The following ARID1B variants were observed in gnomAD, a reference collection of about 807,000 sequenced individuals.
ARID1B encodes the protein AT-rich interactive domain-containing protein 1B.
Under a neutral mutation model 212.3 loss-of-function variants are expected in ARID1B, and 30 were observed. The observed-to-expected ratio is 0.14, with a 90% CI of 0.11 to 0.19. ARID1B has a LOEUF of 0.19. ARID1B is among the 10% of genes least tolerant of loss of function. The pLI, the probability that ARID1B is intolerant of heterozygous loss-of-function variation, is 1.00. For missense variants in ARID1B, 2,891 were observed against 3,204.0 expected (o/e 0.90, Z 2.36); for synonymous variants, 1,402 against 1,301.7 (o/e 1.08, Z -1.66).
At chr6:156,894,627 CA>C (rs1170939691) in intron 2 of ARID1B, among the ~76,000 whole-genome samples, 1 of 152,148 alleles carries the variant, frequency 6.6e-6, no homozygotes, top group Non-Finnish European at 1.5e-5. Flanking sequence ...AAGTTTAGGA[CA>C]ATGCCAAGTA....
intron 5 of ARID1B, among the ~76,000 whole-genome samples, chr6:157,090,095 C>T (rs1785186076): frequency 6.6e-6 from 1 of 152,190 alleles, no homozygotes; most frequent in Admixed American, 6.5e-5. Context: ...GTCTTGCCTC[C>T]AGAGCCAGCC....
chr6:157,021,782 T>A (rs1780303796), intron 4 of ARID1B, among the ~76,000 whole-genome samples: 1 of 151,810 alleles, frequency 6.6e-6, no homozygotes, highest in Non-Finnish European at 1.5e-5. Flanking sequence ...TCGCACAGCG[T>A]GTTTTCTAAA....
intron 16 of ARID1B, among the ~76,000 whole-genome samples, chr6:157,198,356 A>G (rs1345263954): frequency 2.0e-5 from 3 of 152,206 alleles, no homozygotes; most frequent in Non-Finnish European, 4.4e-5. Context: ...CAAAGTACAA[A>G]CATTTTGATG....
At chr6:156,900,465 T>C (rs76569849) in intron 2 of ARID1B, among the ~76,000 whole-genome samples, 314 of 152,340 alleles carry the variant, frequency 2.1e-3, no homozygotes, top group Middle Eastern at 3.4e-3. Context: ...TGTGTGCTTA[T>C]GGGGCTCAAG....
chr6:157,020,532 G>C (rs1780167186), intron 4 of ARID1B, among the ~76,000 whole-genome samples: 1 of 152,076 alleles, frequency 6.6e-6, no homozygotes. Context: ...TAGCCACTAG[G>C]CATGTGTTTT....
Position 156,953,519 on chromosome 6 carries a change from G to A in ARID1B, c.2247+17943G>A, listed in dbSNP as rs930301204. ...GTAATTTTAAAAAAAGAAAAAAATC[G>A]GACTCCATTGAGATTCTTTCTTGTT... On this transcript the variant is annotated intron_variant, in intron 4 of 19. Coordinates refer to ENST00000636930, the MANE Select transcript of ARID1B (RefSeq NM_001374828.1). Among the ~76,000 whole-genome samples the A allele has an allele frequency of 2.6e-5, 4 of 152,130 alleles. No individual in the cohort carries two copies. In the South Asian group the frequency reaches 6.2e-4, roughly 24 times the overall value.
chr6:156,809,046 A>G (rs17087784), intron 1 of ARID1B, among the ~76,000 whole-genome samples: 14,654 of 152,278 alleles, frequency 0.096, 854 homozygotes, highest in African/African-American at 0.17. Flanking sequence ...TTGATTTGCT[A>G]TTAATCTTTT....
intron 4 of ARID1B, chr6:156,976,308 G>T: frequency 1.2e-5 from 2 of 162,358 alleles, no homozygotes; most frequent in South Asian, 3.0e-4. Flanking sequence ...ACATTCTCAA[G>T]AGCATCAACA....
At chr6:156,972,954 A>T (rs773886959) in intron 4 of ARID1B, among the ~76,000 whole-genome samples, 7 of 152,262 alleles carry the variant, frequency 4.6e-5, no homozygotes, top group Non-Finnish European at 8.8e-5. Flanking sequence ...GGTATCTGTT[A>T]ATAGTGCTGT....
At chr6:156,973,633 T>C (rs1777067750) in intron 4 of ARID1B, among the ~76,000 whole-genome samples, 1 of 152,058 alleles carries the variant, frequency 6.6e-6, no homozygotes, top group African/African-American at 2.4e-5. Flanking sequence ...TAAAAGAAAA[T>C]TCTATATTAG....
chr6:157,085,832 G>A (rs916684600), intron 5 of ARID1B, among the ~76,000 whole-genome samples: 2 of 152,042 alleles, frequency 1.3e-5, no homozygotes, highest in Non-Finnish European at 2.9e-5. Flanking sequence ...TTCACCATCC[G>A]GTTTAAGAAT....
chr6:157,144,545 C>G (rs764172536), intron 7 of ARID1B, among the ~76,000 whole-genome samples: 1 of 152,150 alleles, frequency 6.6e-6, no homozygotes, highest in African/African-American at 2.4e-5. Flanking sequence ...TAAGAAGGAG[C>G]ACTGTATTTC....
chr6:156,896,599 A>AAG, intron 2 of ARID1B, among the ~76,000 whole-genome samples: 1 of 148,978 alleles, frequency 6.7e-6, no homozygotes, highest in African/African-American at 2.5e-5. Context: ...AAAAAAAAAA[A>AAG]AGAGGACACA....
chr6:157,145,694 C>T (rs2128622559), intron 7 of ARID1B, among the ~76,000 whole-genome samples: 1 of 152,332 alleles, frequency 6.6e-6, no homozygotes, highest in Non-Finnish European at 1.5e-5. Context: ...ATTTGAGAGA[C>T]TGTGTAGCAG....
In ARID1B at chr6:156,815,866, C is replaced by T. The variant is rs141193129; in HGVS notation, c.1792-13361C>T. ...CCTGGGTAACAGTGAAAATGGAATG[C>T]ATTTTTACATTTTTATGTCATCCTG... On this transcript the variant is annotated intron_variant, in intron 1 of 19. Coordinates refer to ENST00000636930, the MANE Select transcript of ARID1B (RefSeq NM_001374828.1). Among the ~76,000 whole-genome samples, 158 of 152,228 alleles carry T rather than the reference C, an allele frequency of 1.0e-3. 1 individual carries two copies. Among genetic ancestry groups the T allele is most frequent in the African/African-American group, 3.5e-3 (145 of 41,538 alleles).
intron 2 of ARID1B, among the ~76,000 whole-genome samples, chr6:156,852,805 C>T (rs759631999): frequency 4.6e-5 from 7 of 152,206 alleles, no homozygotes; most frequent in Non-Finnish European, 1.0e-4. Context: ...ATCTTACTTA[C>T]TCTGAAAGTA....
intron 3 of ARID1B, among the ~76,000 whole-genome samples, chr6:156,903,238 T>A (rs944216841): frequency 1.3e-5 from 2 of 152,244 alleles, no homozygotes; most frequent in Non-Finnish European, 2.9e-5. Context: ...TTTTAATGAA[T>A]ATTATTTTAA....
chr6:157,132,949 A>T (rs1169464686), intron 6 of ARID1B, 79 bp from the exon 7 acceptor site: 20 of 1,451,996 alleles, frequency 1.4e-5, no homozygotes, highest in Non-Finnish European at 1.9e-5. Flanking sequence ...CACCTGCCAC[A>T]TCAGTCCATG....
rs56303950 is a variant in ARID1B, at chr6:157,040,297, C to T, written c.2248-44365C>T. ...AGCGTTAGGTTTTTAAACGCATTCA[C>T]AATTGGTGTTTCTTCCTGTTTTTGT... On this transcript the variant is annotated intron_variant, in intron 4 of 19. Coordinates refer to ENST00000636930, the MANE Select transcript of ARID1B (RefSeq NM_001374828.1). 3.0e-3 allele frequency among the ~76,000 whole-genome samples: 457 copies of T among 152,306 alleles called. 1 individual carries two copies. Among genetic ancestry groups the T allele is most frequent in the Non-Finnish European group, 4.7e-3 (322 of 68,036 alleles).
Sources: gnomAD v4.1 joint callset for allele counts (sites outside exome capture counted in the v4.1 genomes callset) on GRCh38, gnomAD v4.1.1 for gene constraint, MANE v1.5 for transcripts, NCBI Gene and HGNC (gene_info 2026-07-23, HGNC 2026-07-21) for gene names.